FHIT: variants seen among roughly 807,000 people sequenced by gnomAD.
The protein encoded by FHIT is fragile histidine triad diadenosine triphosphatase.
In FHIT, 19 loss-of-function variants were observed where a neutral mutation model predicts 17.9. The observed-to-expected ratio is 1.06, with a 90% confidence interval of 0.74 to 1.56. The LOEUF (loss-of-function observed/expected upper bound fraction) is 1.56, where lower values mean the gene tolerates loss of function less well. Among genes scored for constraint, FHIT ranks in the 40% most tolerant of loss-of-function variants. FHIT has a pLI of 0.00. For missense variants in FHIT, 248 were observed against 189.2 expected, an observed-to-expected ratio of 1.31 and a Z score of -1.82; for synonymous variants, 81 against 69.7, an observed-to-expected ratio of 1.16 and a Z score of -0.81.
At position 60,119,354 on chromosome 3, in the gene FHIT, T is replaced by A. The variant is rs78001024; in HGVS notation, c.104-105202A>T. On this transcript the variant is annotated intron_variant, in intron 5 of 9. Coordinates refer to ENST00000492590, the MANE Select transcript of FHIT (RefSeq NM_002012.4). ...TCCCAAAGTGCTGGGATTACAGGCATAAGCCATCATGCCCAGCCTATATTT... is the reference window on the plus strand; with the variant it reads ...TCCCAAAGTGCTGGGATTACAGGCAAAAGCCATCATGCCCAGCCTATATTT... Among the ~76,000 whole-genome samples the A allele has an allele frequency of 1.8e-4, 27 of 151,924 alleles. No homozygotes were observed. The East Asian group carries it at 4.1e-3, about 23-fold the overall frequency.
At chr3:60,634,721 G>A (rs187464099) in intron 4 of FHIT, among the ~76,000 whole-genome samples, 39 of 152,250 alleles carry the variant, frequency 2.6e-4, no homozygotes, top group Non-Finnish European at 3.8e-4. Context: ...AAGAAGTTTG[G>A]GAGAATACCT....
At chr3:60,022,150 T>A (rs1213858114) in intron 5 of FHIT, among the ~76,000 whole-genome samples, 1 of 152,216 alleles carries the variant, frequency 6.6e-6, no homozygotes, top group Non-Finnish European at 1.5e-5. Context: ...TTGAGCATCA[T>A]TTCCCAAAAC....
At chr3:60,329,404 A>G (rs191240072) in intron 5 of FHIT, among the ~76,000 whole-genome samples, 2 of 152,326 alleles carry the variant, frequency 1.3e-5, no homozygotes, top group African/African-American at 2.4e-5. Flanking sequence ...GATTCTAACA[A>G]GACATTCTTT....
chr3:60,712,077 G>A (rs138854830), intron 4 of FHIT, among the ~76,000 whole-genome samples: 21 of 152,232 alleles, frequency 1.4e-4, no homozygotes, highest in Admixed American at 1.1e-3. Context: ...CTGATCTCTC[G>A]GCAGAAATAC....
At chr3:59,951,050 A>C (rs1707090746) in intron 7 of FHIT, among the ~76,000 whole-genome samples, 1 of 152,224 alleles carries the variant, frequency 6.6e-6, no homozygotes, top group Non-Finnish European at 1.5e-5. Flanking sequence ...TTTAATAGAT[A>C]CTAGTTCATT....
At chr3:60,258,376 C>T (rs968360969) in intron 5 of FHIT, among the ~76,000 whole-genome samples, 7 of 152,076 alleles carry the variant, frequency 4.6e-5, no homozygotes, top group Non-Finnish European at 8.8e-5. Context: ...CTCTAAAACT[C>T]CAGGCCCACT....
At chr3:60,949,816 GA>G (rs1167328543) in intron 3 of FHIT, among the ~76,000 whole-genome samples, 2 of 151,952 alleles carry the variant, frequency 1.3e-5, no homozygotes, top group African/African-American at 2.4e-5. Flanking sequence ...AAAGAGTTTG[GA>G]AAAAAAGCTA....
intron 5 of FHIT, among the ~76,000 whole-genome samples, chr3:60,381,250 G>C (rs1392956818): frequency 6.6e-6 from 1 of 152,120 alleles, no homozygotes; most frequent in Non-Finnish European, 1.5e-5. Flanking sequence ...GGCTGAGGTG[G>C]GCAGATCACC....
intron 3 of FHIT, among the ~76,000 whole-genome samples, chr3:61,035,024 T>C (rs969431414): frequency 6.6e-6 from 1 of 152,068 alleles, no homozygotes; most frequent in Non-Finnish European, 1.5e-5. Flanking sequence ...ACATGCCAAG[T>C]GAAAGAAACA....
chr3:60,470,971 C>G (rs2033060585), intron 5 of FHIT, among the ~76,000 whole-genome samples: 1 of 152,210 alleles, frequency 6.6e-6, no homozygotes, highest in Admixed American at 6.5e-5. Context: ...TTCAAGGCAG[C>G]AGGTTCTCTT....
chr3:60,293,839 A>T lies in FHIT; in HGVS notation c.103+243021T>A, dbSNP rs115663950. ...TCAAATTATACCAGTCAAGTTTTAC[A>T]TGAATTAAGTCCTATTTTGAGCTAG... On this transcript the variant is annotated intron_variant, in intron 5 of 9. Transcript: ENST00000492590. Among the ~76,000 whole-genome samples, 39 of 152,294 alleles carry T rather than the reference A, an allele frequency of 2.6e-4. No homozygotes were observed. The South Asian group carries it at 6.6e-3, about 26-fold the overall frequency.
At chr3:59,870,800 A>G (rs771571973) in intron 8 of FHIT, among the ~76,000 whole-genome samples, 3 of 152,184 alleles carry the variant, frequency 2.0e-5, no homozygotes, top group Non-Finnish European at 4.4e-5. Flanking sequence ...GCAGACACAC[A>G]TAGGCACATT....
intron 4 of FHIT, among the ~76,000 whole-genome samples, chr3:60,623,866 C>G (rs549981230): frequency 6.6e-6 from 1 of 152,302 alleles, no homozygotes; most frequent in Non-Finnish European, 1.5e-5. Context: ...CAGAAGGCTT[C>G]TCTCAAGGTC....
At chr3:60,438,066 G>T (rs554112282) in intron 5 of FHIT, among the ~76,000 whole-genome samples, 1 of 151,984 alleles carries the variant, frequency 6.6e-6, no homozygotes, top group East Asian at 2.0e-4. Context: ...AGTAGTCAAG[G>T]AAGTAATCAT....
At chr3:61,013,184 A>C (rs2031895888) in intron 3 of FHIT, among the ~76,000 whole-genome samples, 1 of 152,174 alleles carries the variant, frequency 6.6e-6, no homozygotes, top group Non-Finnish European at 1.5e-5. Context: ...AGAAGAAAAA[A>C]AGGAGCTTTC....
chr3:60,157,599 G>A (rs921517422), intron 5 of FHIT, among the ~76,000 whole-genome samples: 3 of 152,204 alleles, frequency 2.0e-5, no homozygotes, highest in African/African-American at 7.2e-5. Flanking sequence ...CAGAGTAGAA[G>A]AAGCAAACTT....
At chr3:60,979,262 T>C (rs1170589104) in intron 3 of FHIT, among the ~76,000 whole-genome samples, 1 of 152,122 alleles carries the variant, frequency 6.6e-6, no homozygotes, top group African/African-American at 2.4e-5. Context: ...GGCAAAAGTG[T>C]CCCTTCATTC....
chr3:61,213,878 A>G (rs2039577629), intron 1 of FHIT, among the ~76,000 whole-genome samples: 1 of 152,248 alleles, frequency 6.6e-6, no homozygotes. Context: ...AATTACATGG[A>G]AACTGAACAA....
chr3:59,899,204 T>C (rs751231820), intron 8 of FHIT, among the ~76,000 whole-genome samples: 50 of 152,196 alleles, frequency 3.3e-4, no homozygotes, highest in Non-Finnish European at 6.8e-4. Context: ...GAGCTGACAT[T>C]ACCTCCAGGG....
Sources: allele counts gnomAD v4.1 joint callset (sites outside exome capture counted in the v4.1 genomes callset), GRCh38; gene constraint gnomAD v4.1.1; transcripts MANE v1.5; gene names NCBI Gene and HGNC (gene_info 2026-07-23, HGNC 2026-07-21).